Variants in SYNE3 observed in about 807,000 individuals in gnomAD.
SYNE3 encodes the protein nesprin-3.
A neutral mutation model predicts 111.2 loss-of-function variants in SYNE3; 100 were observed. That is an observed-to-expected ratio of 0.90 (90% confidence interval 0.77 to 1.06). The LOEUF is 1.06. Among genes scored for constraint, SYNE3 ranks in the 50% least tolerant of loss-of-function variants. The pLI is 0.00. For synonymous variants in SYNE3, 547 were observed against 533.9 expected, an observed-to-expected ratio of 1.02 and a Z score of -0.34; for missense variants, 1,160 against 1,240.3, an observed-to-expected ratio of 0.94 and a Z score of 0.97.
chr14:95,435,067 T>C (rs993475743), intron 15 of SYNE3, among the ~76,000 whole-genome samples: 1 of 152,174 alleles, frequency 6.6e-6, no homozygotes, highest in African/African-American at 2.4e-5. Context: ...AGAAATAATA[T>C]ACAACAGAAA....
At chr14:95,497,334 C>T (rs796719966) in intron 1 of SYNE3, among the ~76,000 whole-genome samples, 7 of 152,344 alleles carry the variant, frequency 4.6e-5, no homozygotes, top group African/African-American at 1.7e-4. Flanking sequence ...CTTCTCACTG[C>T]AGATCTGAAG....
intron 1 of SYNE3, among the ~76,000 whole-genome samples, chr14:95,484,209 G>A (rs1201630313): frequency 6.6e-6 from 1 of 152,198 alleles, no homozygotes; most frequent in Non-Finnish European, 1.5e-5. Context: ...AGGGAAATGG[G>A]ACAGAGTGGA....
At position 95,467,933 on chromosome 14, in the gene SYNE3, C is replaced by G. The variant is rs770091322; in HGVS notation, c.179G>C (p.Arg60Thr). Residue 60 changes from arginine (R) to threonine (T), a missense_variant, in exon 3 of 18, where the codon AGG becomes ACG. Arg to Thr is a moderately conservative substitution (Grantham distance 71). Coordinates refer to ENST00000682763, the MANE Select transcript of SYNE3 (RefSeq NM_152592.6). ...ICQLEPEGRV[R>T]VDLVLRMAEA... The stretch of plus-strand genomic sequence containing the variant: ...AGCCATCCGTAGCACGAGGTCCACC[C>G]TCACACGCCCCTCGGGCTCCAGCTG... 5 of 1,613,602 alleles carry G rather than the reference C, an allele frequency of 3.1e-6. No individual in the cohort carries two copies. The Admixed American group carries it at 8.3e-5, about 27-fold the overall frequency.
intron 1 of SYNE3, among the ~76,000 whole-genome samples, chr14:95,477,596 G>C (rs1022149274): frequency 6.6e-6 from 1 of 152,210 alleles, no homozygotes; most frequent in African/African-American, 2.4e-5. Flanking sequence ...ACCCACAAGA[G>C]AGAAGGAGAA....
intron 17 of SYNE3, among the ~76,000 whole-genome samples, chr14:95,418,954 C>A (rs1171866210): frequency 6.6e-6 from 1 of 152,178 alleles, no homozygotes; most frequent in Non-Finnish European, 1.5e-5. Flanking sequence ...TCTTCCTCCT[C>A]CTCCTTTTAT....
At chr14:95,453,726 G>A (rs1242926008) in intron 6 of SYNE3, among the ~76,000 whole-genome samples, 1 of 152,200 alleles carries the variant, frequency 6.6e-6, no homozygotes, top group Non-Finnish European at 1.5e-5. Flanking sequence ...TGCAGAGGGT[G>A]AGCAAGACTG....
chr14:95,432,028 C>T, intron 17 of SYNE3, 51 bp downstream of exon 17: 3 of 1,596,060 alleles, frequency 1.9e-6, no homozygotes, highest in Non-Finnish European at 2.6e-6. Flanking sequence ...CCCACCAACC[C>T]TCCAGGCACC....
intron 1 of SYNE3, among the ~76,000 whole-genome samples, chr14:95,499,121 G>C (rs1251770992): frequency 6.6e-6 from 1 of 152,152 alleles, no homozygotes; most frequent in East Asian, 1.9e-4. Context: ...CCCTTGACTG[G>C]CAGAGCCAAA....
intron 1 of SYNE3, among the ~76,000 whole-genome samples, chr14:95,486,392 G>A (rs1207630519): frequency 1.3e-5 from 2 of 151,656 alleles, no homozygotes; most frequent in Non-Finnish European, 2.9e-5. Context: ...TGTCTTATTG[G>A]CCCTGGGAGT....
At chr14:95,477,747 CT>C (rs57858778) in intron 1 of SYNE3, among the ~76,000 whole-genome samples, 78,893 of 151,984 alleles carry the variant, frequency 0.52, 20,785 homozygotes, top group African/African-American at 0.63. Context: ...CCTGTTTTGA[CT>C]TTTTTTGTAA....
At chr14:95,495,884 G>A (rs1595256088) in intron 1 of SYNE3, among the ~76,000 whole-genome samples, 1 of 152,240 alleles carries the variant, frequency 6.6e-6, no homozygotes, top group African/African-American at 2.4e-5. Flanking sequence ...GGACAAGCCC[G>A]AGGGGCCAGT....
At chr14:95,480,448 G>C (rs1201287104) in intron 1 of SYNE3, among the ~76,000 whole-genome samples, 3 of 152,316 alleles carry the variant, frequency 2.0e-5, no homozygotes, top group African/African-American at 7.2e-5. Flanking sequence ...TGGCAGGCTT[G>C]AGACCGAGCC....
chr14:95,493,141 A>G (rs1188516121), intron 1 of SYNE3, among the ~76,000 whole-genome samples: 3 of 152,140 alleles, frequency 2.0e-5, no homozygotes, highest in African/African-American at 7.2e-5. Context: ...TCCTTCCAGG[A>G]AGCTAAAACC....
chr14:95,493,963 A>C (rs753480068), intron 1 of SYNE3, among the ~76,000 whole-genome samples: 1 of 152,134 alleles, frequency 6.6e-6, no homozygotes, highest in Non-Finnish European at 1.5e-5. Context: ...ACTGAAGCTG[A>C]GCAGTTTCAT....
rs12889799 is a variant in SYNE3, at chr14:95,413,226, C to T, written c.*4600G>A. ...CTGTCTCTTTTGCTCTCACTCTCTC[C>T]TCTCACCCTCAAATTGTGGTAAAAT... On this transcript the variant is annotated 3_prime_UTR_variant, in exon 18 of 18. Transcript: ENST00000682763. 107,017 of 149,884 alleles carry T rather than the reference C, an allele frequency of 0.71. 38,486 individuals are homozygous for T. The highest frequency in any genetic ancestry group is 0.76 in the Non-Finnish European group (51,428 of 67,664). 9.3% of individuals were successfully genotyped at this position (149,884 alleles called of 1,614,324 possible).
At chr14:95,445,419 C>A (rs1377086428) in intron 9 of SYNE3, among the ~76,000 whole-genome samples, 2 of 152,226 alleles carry the variant, frequency 1.3e-5, no homozygotes, top group Non-Finnish European at 2.9e-5. Flanking sequence ...CCCCATAGAT[C>A]ATAGTTATTA....
intron 1 of SYNE3, among the ~76,000 whole-genome samples, chr14:95,483,280 C>T (rs908747085): frequency 2.0e-5 from 3 of 152,220 alleles, no homozygotes; most frequent in African/African-American, 7.2e-5. Flanking sequence ...GCGATTACAG[C>T]CTGGTGCCCC....
intron 4 of SYNE3, among the ~76,000 whole-genome samples, chr14:95,463,071 A>G (rs1444195119): frequency 6.6e-6 from 1 of 152,042 alleles, no homozygotes; most frequent in Non-Finnish European, 1.5e-5. Flanking sequence ...CAGGAGAATC[A>G]CTTGAACCCG....
intron 1 of SYNE3, among the ~76,000 whole-genome samples, chr14:95,492,108 T>C (rs1280186704): frequency 6.6e-6 from 1 of 152,158 alleles, no homozygotes; most frequent in Admixed American, 6.5e-5. Flanking sequence ...ATAGCTATAA[T>C]CAAAGGAAGA....
Sources: gnomAD v4.1 joint callset for allele counts (sites outside exome capture counted in the v4.1 genomes callset) on GRCh38, gnomAD v4.1.1 for gene constraint, MANE v1.5 for transcripts, NCBI Gene and HGNC (gene_info 2026-07-23, HGNC 2026-07-21) for gene names.